Variants in FAM50A observed in about 807,000 individuals in gnomAD.
FAM50A encodes the protein family with sequence similarity 50 member A, also known as protein FAM50A.
Under a neutral mutation model 35.5 loss-of-function variants are expected in FAM50A, and 6 were observed. That is an observed-to-expected ratio of 0.17 (90% CI 0.09 to 0.33). The LOEUF (loss-of-function observed/expected upper bound fraction) is 0.33. Among genes scored for constraint, FAM50A ranks in the 10% least tolerant of loss-of-function variants. FAM50A has a pLI of 1.00. For synonymous variants in FAM50A, 120 were observed against 110.9 expected, an observed-to-expected ratio of 1.08 and a Z score of -0.52; for missense variants, 145 against 295.5, an observed-to-expected ratio of 0.49 and a Z score of 3.73.
intron 5 of FAM50A, 50 bp from the exon 6 acceptor site, chrX:154,448,640 G>A (rs1006319925): frequency 8.4e-7 from 1 of 1,187,408 alleles, no homozygotes; most frequent in Non-Finnish European, 1.1e-6. Flanking sequence ...GGCTCTGCGT[G>A]CACCCTGAGC....
chrX:154,447,842 C>G (rs1557199978), intron 4 of FAM50A, among the ~76,000 whole-genome samples: 1 of 110,204 alleles, frequency 9.1e-6, no homozygotes, highest in African/African-American at 3.3e-5. Context: ...TGGTCTCGAA[C>G]TTGGGAGCTA....
chrX:154,449,167 G>A, intron 7 of FAM50A, 54 bp from the exon 8 acceptor site: 1 of 1,074,874 alleles, frequency 9.3e-7, no homozygotes, highest in Middle Eastern at 2.5e-4. Flanking sequence ...CTTGTTGAGA[G>A]CCCTTCTGCA....
chrX:154,448,623 G>A, intron 5 of FAM50A, 63 bp downstream of exon 5: 1 of 1,185,280 alleles, frequency 8.4e-7, no homozygotes, highest in Non-Finnish European at 1.1e-6. Context: ...CCTTGCTTAG[G>A]GAGCCAGGCT....
At chrX:154,450,403 C>T (rs1557200424) in intron 12 of FAM50A, 21 bp from the exon 13 acceptor site, 2 of 1,211,143 alleles carry the variant, frequency 1.7e-6, no homozygotes, top group Admixed American at 2.2e-5. Context: ...GTCTCCTCTG[C>T]CCACCTTGTC....
In FAM50A at chrX:154,446,146, C is replaced by T; in HGVS notation, c.296+235C>T. The T allele has an allele frequency of 9.0e-6, 4 of 445,307 alleles. No individual in the cohort carries two copies. In the South Asian group the frequency reaches 1.3e-4, roughly 15 times the overall value. 36.7% of individuals were successfully genotyped at this position (445,307 alleles called of 1,213,427 possible). ...CTAAATGCAGTGGGCCCTTTCCCAG[C>T]ATCCGGTGCCTGAGCAGCCTGCGTT... On this transcript the variant is annotated intron_variant, in intron 3 of 12. Coordinates refer to ENST00000393600, the MANE Select transcript of FAM50A (RefSeq NM_004699.4).
At chrX:154,444,597 A>G (rs2148231214) in intron 1 of FAM50A, 1 of 177,944 alleles carries the variant, frequency 5.6e-6, no homozygotes, top group Admixed American at 8.1e-5. Flanking sequence ...CTCCGGCAGG[A>G]GGGAGCCGAG....
chrX:154,447,206 A>G (rs1475888749), intron 4 of FAM50A, among the ~76,000 whole-genome samples: 1 of 112,527 alleles, frequency 8.9e-6, no homozygotes, highest in Non-Finnish European at 1.9e-5. Context: ...AGGAGGGGCG[A>G]CGAGAAAGTA....
At chrX:154,446,317 C>A in intron 3 of FAM50A, 98 bp from the exon 4 acceptor site, 1 of 821,298 alleles carries the variant, frequency 1.2e-6, no homozygotes, top group Non-Finnish European at 1.8e-6. Flanking sequence ...GCTGGGCAGG[C>A]CCCACATAGG....
In FAM50A at chrX:154,449,950, G is replaced by A. The variant is rs782376857; in HGVS notation, c.829+19G>A. 8.3e-7 allele frequency: 1 copy of A among 1,208,928 alleles called. No individual in the cohort carries two copies. Among genetic ancestry groups the A allele is most frequent in the African/African-American group, 1.8e-5 (1 of 57,137 alleles). ...AAGAGTGGTGAGTGCCGCCGACCCAGCCGCCCCCATAGCACCTTGCCGCCG... is the reference window on the plus strand; with the variant it reads ...AAGAGTGGTGAGTGCCGCCGACCCAACCGCCCCCATAGCACCTTGCCGCCG... On this transcript the variant is annotated intron_variant, in intron 10 of 12. Coordinates refer to ENST00000393600, the MANE Select transcript of FAM50A (RefSeq NM_004699.4).
In FAM50A at chrX:154,449,726, C is replaced by T. The variant is rs201861077; in HGVS notation, c.771C>T (p.Ile257=). ...EQLMYIKEDL[I]IPHHHSFYDF... The stretch of plus-strand genomic sequence containing the variant: ...TCATGTACATCAAGGAGGACTTGAT[C>T]ATCCCTCACGTGAGTCCCTTCAGCC... The change falls in exon 9 of 13, where the codon ATC becomes ATT. Residue 257 remains isoleucine, a synonymous_variant. Coordinates refer to ENST00000393600, the MANE Select transcript of FAM50A (RefSeq NM_004699.4). 3 of 1,206,757 alleles carry T rather than the reference C, an allele frequency of 2.5e-6. No homozygotes were observed. Among genetic ancestry groups the T allele is most frequent in the East Asian group, 3.0e-5 (1 of 33,737 alleles).
chrX:154,446,613 C>G (rs914040258), intron 4 of FAM50A, 53 bp downstream of exon 4: 3 of 1,106,491 alleles, frequency 2.7e-6, no homozygotes, highest in African/African-American at 1.9e-5. Context: ...GGAGGGGTCC[C>G]CAATGTGAGA....
rs781820503 is a variant in FAM50A at position 154,446,486 on chromosome X, C to T, written c.368C>T (p.Thr123Ile). 2 of 1,205,348 alleles carry T rather than the reference C, an allele frequency of 1.7e-6. No homozygotes were observed. The highest frequency in any genetic ancestry group is 1.8e-5 in the South Asian group (1 of 56,490). ...CGGAAGATCTCCAGCCTGTCCTTCA[C>T]CCTGGAGGAGGAAGAAGAGGGAGGC... ...AKRKISSLSF[T>I]LEEEEEGGEE... Residue 123 changes from threonine to isoleucine, a missense_variant, in exon 4 of 13, where the codon ACC becomes ATC. Physicochemically the swap from Thr to Ile is moderately conservative, Grantham distance 89. Transcript: ENST00000393600.
chrX:154,445,776 C>T (rs781785055), intron 2 of FAM50A, 36 bp from the exon 3 acceptor site: 5 of 1,191,210 alleles, frequency 4.2e-6, no homozygotes, highest in East Asian at 3.0e-5. Context: ...GCTGGCCCTG[C>T]GACTACCTTG....
chrX:154,448,072 C>CTTTTTTTTTTTTTTTTT lies in FAM50A; in HGVS notation c.443-398_443-397insTTTTTTTTTTTTTTTTT, dbSNP rs781847663. Among the ~76,000 whole-genome samples, 360 of 82,752 alleles carry CTTTTTTTTTTTTTTTTT rather than the reference C, an allele frequency of 4.4e-3. 41 individuals carry two copies. The highest frequency in any genetic ancestry group is 0.018 in the African/African-American group (331 of 17,939). 71.9% of individuals were successfully genotyped at this position (82,752 alleles called of 115,157 possible). A position where few individuals can be genotyped will look rare whatever the true frequency, so the allele number is the denominator to read the frequency against. ...TGTTGTTCTTTTCTTTTTTTTCTTTCTTTTTTTTTTTTTTGAGATGAGGTC... is the reference window on the plus strand; with the variant it reads ...TGTTGTTCTTTTCTTTTTTTTCTTTCTTTTTTTTTTTTTTTTTTTTTTTTTTTTTTTGAGATGAGGTC... On this transcript the variant is annotated intron_variant, in intron 4 of 12. Transcript: ENST00000393600.
chrX:154,447,613 G>GGTTTGT (rs782540447), intron 4 of FAM50A, among the ~76,000 whole-genome samples: 44 of 111,988 alleles, frequency 3.9e-4, no homozygotes, highest in Non-Finnish European at 7.0e-4. Flanking sequence ...GGGAGCTACT[G>GGTTTGT]GTTTGTGTTT....
intron 4 of FAM50A, among the ~76,000 whole-genome samples, chrX:154,446,763 T>C (rs1463191056): frequency 5.3e-5 from 6 of 112,267 alleles, no homozygotes; most frequent in African/African-American, 1.9e-4. Flanking sequence ...ATGGAAATGT[T>C]AGAGTCTGTG....
chrX:154,445,340 G>A (rs2068778086), intron 1 of FAM50A: 1 of 360,719 alleles, frequency 2.8e-6, no homozygotes, highest in Non-Finnish European at 4.9e-6. Context: ...GGTCTCGGAA[G>A]CTTCAGCTTA....
At chrX:154,444,569 C>T (rs1388415516) in intron 1 of FAM50A, 1 of 205,575 alleles carries the variant, frequency 4.9e-6, no homozygotes, top group Non-Finnish European at 9.0e-6. Context: ...AGGCTGAGGC[C>T]ACTAGCTGAT....
chrX:154,445,084 A>T (rs2068777057), intron 1 of FAM50A, among the ~76,000 whole-genome samples: 1 of 111,082 alleles, frequency 9.0e-6, no homozygotes, highest in South Asian at 3.8e-4. Flanking sequence ...CCCTGGCCGC[A>T]CTGTCTGAGC....
Sources: allele counts gnomAD v4.1 joint callset (sites outside exome capture counted in the v4.1 genomes callset), GRCh38; gene constraint gnomAD v4.1.1; transcripts MANE v1.5; gene names NCBI Gene and HGNC (gene_info 2026-07-23, HGNC 2026-07-21).